MGAT4C: variants seen among roughly 807,000 people sequenced by gnomAD.
The protein encoded by MGAT4C is MGAT4 family member C.
In MGAT4C, 19 loss-of-function variants were observed where a neutral mutation model predicts 40.1. The observed-to-expected ratio is 0.47, with a 90% confidence interval of 0.33 to 0.70. The LOEUF (loss-of-function observed/expected upper bound fraction) is 0.70. Among genes scored for constraint, MGAT4C ranks in the 30% least tolerant of loss-of-function variants. The pLI is 0.02. For missense variants in MGAT4C, 491 were observed against 563.2 expected, an observed-to-expected ratio of 0.87 and a Z score of 1.30; for synonymous variants, 181 against 187.1, an observed-to-expected ratio of 0.97 and a Z score of 0.27.
intron 1 of MGAT4C, chr12:86,745,192 G>C (rs888955283): frequency 6.6e-6 from 1 of 151,378 alleles, no homozygotes; most frequent in Non-Finnish European, 1.5e-5. Flanking sequence ...TTAAAAAATG[G>C]GCTCTTCACC....
chr12:86,673,235 A>G (rs748891145), intron 2 of MGAT4C, among the ~76,000 whole-genome samples: 3 of 152,198 alleles, frequency 2.0e-5, no homozygotes, highest in Non-Finnish European at 4.4e-5. Flanking sequence ...ATTTTGGGCA[A>G]GTTACCTAAA....
At chr12:86,649,953 G>T (rs567562431) in intron 2 of MGAT4C, among the ~76,000 whole-genome samples, 1 of 151,938 alleles carries the variant, frequency 6.6e-6, no homozygotes, top group African/African-American at 2.4e-5. Flanking sequence ...GACAACCCTT[G>T]CTAGACTTCC....
chr12:86,124,364 A>G (rs1415878453), intron 1 of MGAT4C, among the ~76,000 whole-genome samples: 1 of 152,198 alleles, frequency 6.6e-6, no homozygotes, highest in Non-Finnish European at 1.5e-5. Flanking sequence ...GCAGAACAGA[A>G]CAAGAAAACA....
At chr12:86,515,738 C>CTTTTTTTT (rs940550644) in intron 2 of MGAT4C, among the ~76,000 whole-genome samples, 2 of 133,466 alleles carry the variant, frequency 1.5e-5, no homozygotes, top group African/African-American at 5.6e-5. Context: ...TAAAGCAATT[C>CTTTTTTTT]TTTTTTTTTT....
intron 1 of MGAT4C, among the ~76,000 whole-genome samples, chr12:86,051,198 A>G (rs925897974): frequency 6.6e-6 from 1 of 152,018 alleles, no homozygotes; most frequent in Non-Finnish European, 1.5e-5. Context: ...AAATATTATA[A>G]CAATGTTCAC....
At chr12:86,508,158 C>T (rs1418938943) in intron 2 of MGAT4C, among the ~76,000 whole-genome samples, 28 of 152,038 alleles carry the variant, frequency 1.8e-4, no homozygotes, top group African/African-American at 6.5e-4. Flanking sequence ...GCTGCACCCA[C>T]TAACTCGTCA....
In MGAT4C at chr12:86,373,120, C is replaced by T. The variant is rs116185631; in HGVS notation, c.-119-38993G>A. Among the ~76,000 whole-genome samples, 846 of 151,774 alleles carry T rather than the reference C, an allele frequency of 5.6e-3. 5 individuals are homozygous for T. Among genetic ancestry groups the T allele is most frequent in the African/African-American group, 0.02 (815 of 41,472 alleles). On this transcript the variant is annotated intron_variant, in intron 3 of 7. Coordinates refer to the MGAT4C transcript ENST00000548651. ...TTTTATAGGAGCACTATAAACAAAA[C>T]CTTACTATACTCTCACAAGTGAGAA...
At chr12:86,543,271 A>T (rs1194036707) in intron 2 of MGAT4C, among the ~76,000 whole-genome samples, 1 of 151,434 alleles carries the variant, frequency 6.6e-6, no homozygotes, top group East Asian at 1.9e-4. Context: ...TTATATTTAC[A>T]TTAATAGTAT....
At chr12:86,339,222 C>A (rs1954855935) in intron 3 of MGAT4C, among the ~76,000 whole-genome samples, 1 of 152,062 alleles carries the variant, frequency 6.6e-6, no homozygotes, top group African/African-American at 2.4e-5. Context: ...AGAGAGTCTG[C>A]CTCCAGAGTC....
At chr12:86,614,455 C>G (rs2136479622) in intron 2 of MGAT4C, among the ~76,000 whole-genome samples, 1 of 152,092 alleles carries the variant, frequency 6.6e-6, no homozygotes, top group African/African-American at 2.4e-5. Flanking sequence ...TAGGTAATCT[C>G]TGCAAATGAT....
intron 1 of MGAT4C, among the ~76,000 whole-genome samples, chr12:86,056,516 G>A (rs1242814486): frequency 6.6e-6 from 1 of 152,142 alleles, no homozygotes; most frequent in African/African-American, 2.4e-5. Flanking sequence ...AGTTTGCTCA[G>A]AATGATGGTT....
At chr12:86,645,534 C>A (rs1486679329) in intron 2 of MGAT4C, among the ~76,000 whole-genome samples, 2 of 151,716 alleles carry the variant, frequency 1.3e-5, no homozygotes, top group Non-Finnish European at 3.0e-5. Context: ...CAATAAAGTA[C>A]AATCTTGGCA....
intron 1 of MGAT4C, among the ~76,000 whole-genome samples, chr12:86,753,735 G>C (rs1951259549): frequency 6.6e-6 from 1 of 151,972 alleles, no homozygotes; most frequent in Non-Finnish European, 1.5e-5. Flanking sequence ...AAAAAGATAT[G>C]AATAGAAAAT....
chr12:86,801,847 TACAA>T (rs1565999066), intron 1 of MGAT4C, among the ~76,000 whole-genome samples: 1 of 151,860 alleles, frequency 6.6e-6, no homozygotes, highest in Non-Finnish European at 1.5e-5. Flanking sequence ...AAATAGGTAA[TACAA>T]AATGTTAAGG....
chr12:86,295,970 TAC>T (rs1311056420), intron 4 of MGAT4C, among the ~76,000 whole-genome samples: 1 of 145,390 alleles, frequency 6.9e-6, no homozygotes, highest in Non-Finnish European at 1.5e-5. Flanking sequence ...AGCAGCTAGA[TAC>T]AGAGTGTCAA....
At chr12:86,829,550 T>C (rs1433800250) in intron 1 of MGAT4C, among the ~76,000 whole-genome samples, 2 of 151,618 alleles carry the variant, frequency 1.3e-5, no homozygotes, top group Non-Finnish European at 3.0e-5. Context: ...AGGAGTATTC[T>C]ATATTTTTTG....
At position 86,657,393 on chromosome 12, in the gene MGAT4C, G is replaced by A. The variant is rs192659225; in HGVS notation, c.-229+69816C>T. 5.7e-3 allele frequency among the ~76,000 whole-genome samples: 859 copies of A among 151,858 alleles called. 4 individuals carry two copies. The highest frequency in any genetic ancestry group is 9.1e-3 in the Non-Finnish European group (615 of 67,832). On this transcript the variant is annotated intron_variant, in intron 2 of 7. Transcript: ENST00000548651. The stretch of plus-strand genomic sequence containing the variant: ...AGTAGGATATATTTAAAAAGAGGAA[G>A]TAAAGAAGGGAATGAAAGAAGTAAA...
intron 2 of MGAT4C, among the ~76,000 whole-genome samples, chr12:86,549,860 G>C (rs1204715163): frequency 6.6e-6 from 1 of 152,204 alleles, no homozygotes; most frequent in African/African-American, 2.4e-5. Flanking sequence ...CCCCCACTTA[G>C]ATTGACCCAG....
chr12:86,043,005 C>T (rs1892025066), intron 2 of MGAT4C, among the ~76,000 whole-genome samples: 1 of 151,996 alleles, frequency 6.6e-6, no homozygotes, highest in Non-Finnish European at 1.5e-5. Flanking sequence ...TGCATTTAAC[C>T]TTTCTTCTTT....
Sources: allele counts gnomAD v4.1 joint callset (sites outside exome capture counted in the v4.1 genomes callset), GRCh38; gene constraint gnomAD v4.1.1; transcripts MANE v1.5; gene names NCBI Gene and HGNC (gene_info 2026-07-23, HGNC 2026-07-21).